Variants in GIT1 observed in about 807,000 individuals in gnomAD.
GIT1 encodes ARF GTPase-activating protein GIT1.
GIT1 carries 14 observed loss-of-function variants against 91.7 expected under a neutral mutation model. The ratio of observed to expected loss-of-function variants is 0.15; its 90% CI spans 0.10 to 0.24. GIT1 has a LOEUF of 0.24. GIT1 is among the 10% of genes least tolerant of loss of function. The pLI is 1.00. For missense variants in GIT1, 717 were observed against 1,024.9 expected (o/e 0.70, Z 4.10); for synonymous variants, 414 against 418.2 (o/e 0.99, Z 0.12).
intron 4 of GIT1, among the ~76,000 whole-genome samples, 181 bp from the exon 5 acceptor site, chr17:29,582,325 C>A (rs927785544): frequency 6.6e-6 from 1 of 152,368 alleles, no homozygotes; most frequent in South Asian, 2.1e-4. Context: ...TAAACGCTGC[C>A]GTCAGTCACC....
At chr17:29,579,012 AG>A in intron 7 of GIT1, 1 of 1,612,930 alleles carries the variant, frequency 6.2e-7, no homozygotes. Context: ...AAGGCAGCAG[AG>A]GGAAGAACAG....
chr17:29,576,403 C>T lies in GIT1; in HGVS notation c.1428G>A (p.Gly476=), dbSNP rs141686136. 1 of 1,613,164 alleles carries T rather than the reference C, an allele frequency of 6.2e-7. No homozygotes were observed. Among genetic ancestry groups the T allele is most frequent in the Admixed American group, 1.7e-5 (1 of 60,002 alleles). ...AENLQLRQPP[G]PVPTPPLPSE... is the part of the protein sequence containing the mutation. ...TGGGGAGTGGAGGTGTGGGCACCGG[C>T]CCTGGAGGCTGCCGGAGCTGCAGGT... Residue 476 remains glycine, a synonymous_variant, in exon 14 of 20, where the codon GGG becomes GGA. Coordinates refer to ENST00000225394, the MANE Select transcript of GIT1 (RefSeq NM_014030.4).
chr17:29,577,139 T>TG lies in GIT1; in HGVS notation c.1089dup (p.Thr364HisfsTer13). 2 of 1,613,356 alleles carry TG rather than the reference T, an allele frequency of 1.2e-6. No individual in the cohort carries two copies. Among genetic ancestry groups the TG allele is most frequent in the Non-Finnish European group, 1.7e-6 (2 of 1,179,532 alleles). ...CCCTCCCACACAACCCTCCCACCTG[T>TG]GGGGCTGCTCAGGCTCTTGCCCTGC... On this transcript the variant is annotated frameshift_variant, in exon 11 of 20. Transcript: ENST00000225394. LOFTEE classifies it high-confidence loss of function.
intron 1 of GIT1, among the ~76,000 whole-genome samples, chr17:29,586,743 G>A (rs1369883252): frequency 6.6e-6 from 1 of 152,248 alleles, no homozygotes; most frequent in East Asian, 1.9e-4. Flanking sequence ...AGCCCATGGG[G>A]TGAGGAGAGG....
At position 29,575,270 on chromosome 17, in the gene GIT1, T is replaced by G. The variant is rs774342882; in HGVS notation, c.2009+18A>C. ...CAACAGGAACTGCATCCCCCTCACCTCCCCCTCCACTCAGTACCTGTCATG... is the reference window on the plus strand; with the variant it reads ...CAACAGGAACTGCATCCCCCTCACCGCCCCCTCCACTCAGTACCTGTCATG... On this transcript the variant is annotated intron_variant, in intron 18 of 19. Transcript: ENST00000225394. The surrounding 1 kb of genome is among the most constrained non-coding windows in gnomAD (Gnocchi z 5.5). 8.1e-6 allele frequency: 13 copies of G among 1,595,592 alleles called. No homozygotes were observed. In the South Asian group the frequency reaches 1.3e-4, roughly 16 times the overall value.
In GIT1 at chr17:29,577,251, CA is replaced by C; in HGVS notation, c.982-5del. Reference sequence around the variant, plus strand: ...AGCGGGCCAGCTTTTGTCGCCCCTGCAAGGCAGAAAGGGCCAGGCTGGCTTC... The same window carrying C: ...AGCGGGCCAGCTTTTGTCGCCCCTGCAGGCAGAAAGGGCCAGGCTGGCTTC... On this transcript the variant is annotated splice_polypyrimidine_tract_variant and splice_region_variant and intron_variant, in intron 10 of 19. Transcript: ENST00000225394. 1 of 1,613,060 alleles carries C rather than the reference CA, an allele frequency of 6.2e-7. No homozygotes were observed. The highest frequency in any genetic ancestry group is 8.5e-7 in the Non-Finnish European group (1 of 1,179,492).
chr17:29,577,112 C>T (rs1412956420), intron 11 of GIT1, 24 bp downstream of exon 11: 1 of 1,609,732 alleles, frequency 6.2e-7, no homozygotes, highest in Admixed American at 1.7e-5. Flanking sequence ...CTGCTTCCCA[C>T]ACCCTCCCAC....
chr17:29,586,140 G>C (rs1487987904), intron 1 of GIT1, among the ~76,000 whole-genome samples: 1 of 152,160 alleles, frequency 6.6e-6, no homozygotes, highest in African/African-American at 2.4e-5. Flanking sequence ...GTTACCTCTG[G>C]GGTGCACGGA....
intron 2 of GIT1, 21 bp downstream of exon 2, chr17:29,583,462 C>T (rs1245422442): frequency 3.1e-6 from 5 of 1,608,804 alleles, no homozygotes; most frequent in Admixed American, 1.7e-5. Context: ...GAAGGAAGAA[C>T]CACCCGACTG....
Position 29,575,274 on chromosome 17 carries a change from C to T in GIT1, c.2009+14G>A. On this transcript the variant is annotated intron_variant, in intron 18 of 19. Transcript: ENST00000225394. This position sits in a 1 kb window ranked among gnomAD's most constrained non-coding sequence, Gnocchi z 5.5. The stretch of plus-strand genomic sequence containing the variant: ...AGGAACTGCATCCCCCTCACCTCCC[C>T]CTCCACTCAGTACCTGTCATGCTTG... 2 of 1,603,990 alleles carry T rather than the reference C, an allele frequency of 1.2e-6. No individual in the cohort carries two copies. The highest frequency in any genetic ancestry group is 1.3e-5 in the African/African-American group (1 of 74,814).
chr17:29,576,839 T>C, intron 12 of GIT1, 24 bp downstream of exon 12: 1 of 1,576,098 alleles, frequency 6.3e-7, no homozygotes, highest in Non-Finnish European at 8.6e-7. Context: ...CACAGGGGAG[T>C]GGGAAGGAGG....
chr17:29,581,608 G>A lies in GIT1; in HGVS notation c.718+134C>T. On this transcript the variant is annotated intron_variant, in intron 6 of 19. Coordinates refer to ENST00000225394, the MANE Select transcript of GIT1 (RefSeq NM_014030.4). The surrounding 1 kb of genome is among the most constrained non-coding windows in gnomAD (Gnocchi z 4.8). ...GCCCAGAGCCTGCAGTAATTTCACA[G>A]GAGCCAGTTGCCTAGCAACATTGCT... 1 of 734,144 alleles carries A rather than the reference G, an allele frequency of 1.4e-6. No homozygotes were observed. The highest frequency in any genetic ancestry group is 2.7e-5 in the East Asian group (1 of 37,368). 45.5% of individuals were successfully genotyped at this position (734,144 alleles called of 1,614,324 possible).
intron 12 of GIT1, 81 bp from the exon 13 acceptor site, chr17:29,576,755 G>T: frequency 6.3e-7 from 1 of 1,589,274 alleles, no homozygotes; most frequent in Non-Finnish European, 8.6e-7. Flanking sequence ...GAGGCTAGGA[G>T]CAGCCCACCT....
rs1260398585 is a variant in GIT1, at chr17:29,573,861, T to TTAAG, written c.*837_*840dup. The stretch of plus-strand genomic sequence containing the variant: ...GAGATGGAGGGAAGTGGTTTTTGAT[T>TTAAG]TAAGTTCATAGAGAAGGGGCGAGAG... On this transcript the variant is annotated 3_prime_UTR_variant, in exon 20 of 20. Coordinates refer to ENST00000225394, the MANE Select transcript of GIT1 (RefSeq NM_014030.4). 6.6e-6 allele frequency: 1 copy of TTAAG among 152,590 alleles called. No individual in the cohort carries two copies. Among genetic ancestry groups the TTAAG allele is most frequent in the Non-Finnish European group, 1.5e-5 (1 of 68,224 alleles). The allele number at this position is 152,590 out of a possible 1,614,324, so 9.5% of individuals were successfully genotyped here.
Position 29,581,404 on chromosome 17 carries a change from G to T in GIT1, c.719-24C>A, listed in dbSNP as rs1567773550. Reference sequence around the variant, plus strand: ...ATCTGAACAAAAATAAAAATGCCAAGTCACTCACTAGTGCTGGGTGGCCTC... The same window carrying T: ...ATCTGAACAAAAATAAAAATGCCAATTCACTCACTAGTGCTGGGTGGCCTC... On this transcript the variant is annotated intron_variant, in intron 6 of 19. Transcript: ENST00000225394. This position sits in a 1 kb window ranked among gnomAD's most constrained non-coding sequence, Gnocchi z 4.8. 1 of 1,599,466 alleles carries T rather than the reference G, an allele frequency of 6.3e-7. No homozygotes were observed. The highest frequency in any genetic ancestry group is 1.1e-5 in the South Asian group (1 of 90,820).
intron 1 of GIT1, among the ~76,000 whole-genome samples, chr17:29,586,807 T>C (rs2033608824): frequency 6.6e-6 from 1 of 152,108 alleles, no homozygotes; most frequent in South Asian, 2.1e-4. Context: ...AAGGGGAAGA[T>C]GCACATTCTC....
rs777253703 is a variant in GIT1, at chr17:29,581,884, A to C, written c.623+43T>G. ...AGACCTGCAGCAGCAGCCCTCACCC[A>C]CACCCCCACCCACCCACACTGCACC... On this transcript the variant is annotated intron_variant, in intron 5 of 19. Coordinates refer to ENST00000225394, the MANE Select transcript of GIT1 (RefSeq NM_014030.4). The surrounding 1 kb of genome is among the most constrained non-coding windows in gnomAD (Gnocchi z 4.8). 34 of 1,600,056 alleles carry C rather than the reference A, an allele frequency of 2.1e-5. No individual in the cohort carries two copies. The South Asian group carries it at 2.6e-4, about 12-fold the overall frequency.
rs2033163264 is a variant in GIT1 at position 29,575,572 on chromosome 17, C to A, written c.1826+58G>T. 2.5e-6 allele frequency: 4 copies of A among 1,580,784 alleles called. No individual in the cohort carries two copies. The African/African-American group carries it at 4.0e-5, about 16-fold the overall frequency. On this transcript the variant is annotated intron_variant, in intron 17 of 19. Coordinates refer to ENST00000225394, the MANE Select transcript of GIT1 (RefSeq NM_014030.4). The surrounding 1 kb of genome is among the most constrained non-coding windows in gnomAD (Gnocchi z 5.5). The stretch of plus-strand genomic sequence containing the variant: ...TTGGTCCTCACACACTGGGGGCCCT[C>A]TCAACCTCCCCGCCTCGGCATGTGA...
chr17:29,577,291 T>G (rs771910899), intron 10 of GIT1, 44 bp from the exon 11 acceptor site: 1 of 1,506,842 alleles, frequency 6.6e-7, no homozygotes, highest in Admixed American at 1.7e-5. Flanking sequence ...GGACCCCTTA[T>G]GACTGACGCA....
Sources: gnomAD v4.1 joint callset for allele counts (sites outside exome capture counted in the v4.1 genomes callset) on GRCh38, gnomAD v4.1.1 for gene constraint, Gnocchi (gnomAD v3.1) non-coding constraint, MANE v1.5 for transcripts, NCBI Gene and HGNC (gene_info 2026-07-23, HGNC 2026-07-21) for gene names.